The following PTP4A1 variants were observed in gnomAD, a reference collection of about 807,000 sequenced individuals.
PTP4A1 encodes the protein protein tyrosine phosphatase 4A1, also known as protein tyrosine phosphatase type IVA 1.
Under a neutral mutation model 20.5 loss-of-function variants are expected in PTP4A1, and 9 were observed. That is an observed-to-expected ratio of 0.44 (90% CI 0.26 to 0.77). The LOEUF (loss-of-function observed/expected upper bound fraction) is 0.77, where lower values mean the gene tolerates loss of function less well. Among genes scored for constraint, PTP4A1 ranks in the 30% least tolerant of loss-of-function variants. The pLI is 0.19. For synonymous variants in PTP4A1, 78 were observed against 67.4 expected, an observed-to-expected ratio of 1.16 and a Z score of -0.77; for missense variants, 137 against 218.8, an observed-to-expected ratio of 0.63 and a Z score of 2.36.
intron 2 of PTP4A1, among the ~76,000 whole-genome samples, chr6:63,537,286 T>C (rs1581917461): frequency 6.6e-6 from 1 of 152,286 alleles, no homozygotes; most frequent in East Asian, 1.9e-4. Flanking sequence ...CATCAGGCCC[T>C]ATTCCAGACC....
upstream of PTP4A1, among the ~76,000 whole-genome samples, chr6:63,570,555 C>A (rs576413258): frequency 6.6e-6 from 1 of 152,280 alleles, no homozygotes; most frequent in South Asian, 2.1e-4. Flanking sequence ...ATCTGTGGAT[C>A]ACAAGGCTCA....
chr6:63,528,952 G>A (rs1218044933), intron 2 of PTP4A1, among the ~76,000 whole-genome samples: 1 of 151,714 alleles, frequency 6.6e-6, no homozygotes, highest in Non-Finnish European at 1.5e-5. Flanking sequence ...AGCTGGGCGT[G>A]GTGGCACATG....
rs1778339668 is a variant in PTP4A1, at chr6:63,583,037, T to G, written c.*2863T>G. The G allele has an allele frequency of 6.6e-6, 1 of 152,202 alleles. No individual in the cohort carries two copies. The highest frequency in any genetic ancestry group is 2.4e-5 in the African/African-American group (1 of 41,450). The allele number at this position is 152,202 out of a possible 1,614,324, so 9.4% of individuals were successfully genotyped here. A position where few individuals can be genotyped will look rare whatever the true frequency, so the allele number is the denominator to read the frequency against. ...TAAATATCTACTGTTTGCCAGGCAT[T>G]TAAGAATATGGCAAAGAACATAAAA... On this transcript the variant is annotated 3_prime_UTR_variant, in exon 6 of 6. Transcript: ENST00000626021.
chr6:63,530,837 T>C (rs1022930316), intron 2 of PTP4A1, among the ~76,000 whole-genome samples: 11 of 152,174 alleles, frequency 7.2e-5, no homozygotes, highest in African/African-American at 2.7e-4. Context: ...AATAAAGTAG[T>C]ACCTTAAAAC....
rs543645167 is a variant in PTP4A1 at position 63,534,724 on chromosome 6, G to T, written c.-640+6640G>T. On this transcript the variant is annotated intron_variant, in intron 2 of 3. Coordinates refer to the PTP4A1 transcript ENST00000639568. The stretch of plus-strand genomic sequence containing the variant: ...GCACTTTGGGAGGCTGAGGCAGGTG[G>T]ATCACCTGAGGTCAGGAGTTCGAGA... Among the ~76,000 whole-genome samples the T allele has an allele frequency of 3.3e-5, 5 of 149,482 alleles. No individual in the cohort carries two copies. The East Asian group carries it at 9.8e-4, about 29-fold the overall frequency.
At chr6:63,562,563 G>A (rs2149496985) in intron 3 of PTP4A1, among the ~76,000 whole-genome samples, 1 of 152,298 alleles carries the variant, frequency 6.6e-6, no homozygotes, top group African/African-American at 2.4e-5. Flanking sequence ...CACCCACTAT[G>A]AGTTGATTTT....
In PTP4A1 at chr6:63,572,629, G is replaced by A. The variant is rs1172152751; in HGVS notation, c.-536G>A. 7 of 420,514 alleles carry A rather than the reference G, an allele frequency of 1.7e-5. No individual in the cohort carries two copies. Among genetic ancestry groups the A allele is most frequent in the Non-Finnish European group, 4.1e-6 (1 of 244,194 alleles). 26.0% of individuals were successfully genotyped at this position (420,514 alleles called of 1,614,324 possible). On this transcript the variant is annotated 5_prime_UTR_variant, in exon 1 of 6. Coordinates refer to ENST00000626021, the MANE Select transcript of PTP4A1 (RefSeq NM_003463.5). ...TCCGCCACGACCACCGCCGCCTCCT[G>A]CCCTGCAGCCACCGCCACCGCCTGT...
At chr6:63,517,877 A>C (rs553425766), upstream of PTP4A1, among the ~76,000 whole-genome samples, 2 of 152,210 alleles carry the variant, frequency 1.3e-5, no homozygotes, top group African/African-American at 4.8e-5. Flanking sequence ...AGTAGGGCCA[A>C]GCTTGGTGGC....
At chr6:63,536,006 C>G (rs563540717) in intron 2 of PTP4A1, among the ~76,000 whole-genome samples, 4 of 150,480 alleles carry the variant, frequency 2.7e-5, no homozygotes, top group Non-Finnish European at 5.9e-5. Context: ...CTCGTGACAT[C>G]AGGTGATCCA....
rs975949239 is a variant in PTP4A1 at position 63,581,686 on chromosome 6, A to G, written c.*1512A>G. 3.9e-5 allele frequency: 6 copies of G among 152,176 alleles called. No homozygotes were observed. Among genetic ancestry groups the G allele is most frequent in the Admixed American group, 3.9e-4 (6 of 15,276 alleles). The allele number at this position is 152,176 out of a possible 1,614,324, so 9.4% of individuals were successfully genotyped here. A position where few individuals can be genotyped will look rare whatever the true frequency, so the allele number is the denominator to read the frequency against. ...GGTCTAGATAATTTTGAACCAATTT[A>G]TTATTGTGTACTGAGGAGAAATAAT... is the stretch of plus-strand genomic sequence containing the variant. On this transcript the variant is annotated 3_prime_UTR_variant, in exon 6 of 6. Transcript: ENST00000626021.
chr6:63,573,190 C>T (rs1175862797), intron 1 of PTP4A1: 2 of 153,606 alleles, frequency 1.3e-5, no homozygotes, highest in East Asian at 1.9e-4. Context: ...AGTGGCTGCA[C>T]TGGGAGCGGG....
At chr6:63,531,183 T>G (rs1775443327) in intron 2 of PTP4A1, among the ~76,000 whole-genome samples, 1 of 152,146 alleles carries the variant, frequency 6.6e-6, no homozygotes, top group Admixed American at 6.6e-5. Flanking sequence ...CTGCAAGCAA[T>G]GAGGGCTACC....
At chr6:63,553,509 T>C (rs962157280) in intron 3 of PTP4A1, among the ~76,000 whole-genome samples, 1 of 152,190 alleles carries the variant, frequency 6.6e-6, no homozygotes, top group Non-Finnish European at 1.5e-5. Context: ...TGAAAGCCAG[T>C]TTGGTATCCT....
Position 63,556,174 on chromosome 6 carries a change from C to T in PTP4A1, c.-446+5681C>T, listed in dbSNP as rs535058329. ...TTTCTTAATTTTAAAAAATTTTTTA[C>T]TGTGATTTATTTATTTTGAGACAGG... On this transcript the variant is annotated intron_variant, in intron 3 of 3. Coordinates refer to the PTP4A1 transcript ENST00000639568. Among the ~76,000 whole-genome samples the T allele has an allele frequency of 4.6e-5, 7 of 152,168 alleles. No individual in the cohort carries two copies. In the South Asian group the frequency reaches 1.4e-3, roughly 31 times the overall value.
chr6:63,548,934 C>T (rs1051921610), intron 2 of PTP4A1: 32 of 882,616 alleles, frequency 3.6e-5, no homozygotes, highest in South Asian at 1.6e-4. Context: ...GTGGACTAGA[C>T]GTCCCAGTCT....
chr6:63,521,435 T>C (rs1486372049), upstream of PTP4A1, among the ~76,000 whole-genome samples: 1 of 152,202 alleles, frequency 6.6e-6, no homozygotes, highest in Non-Finnish European at 1.5e-5. Flanking sequence ...AAAGAGGCAG[T>C]ATCCTTCCAT....
chr6:63,530,934 C>G (rs1775430166), intron 2 of PTP4A1, among the ~76,000 whole-genome samples: 1 of 152,046 alleles, frequency 6.6e-6, no homozygotes. Context: ...AATGGAAAAT[C>G]CTTTAGAAAA....
chr6:63,576,286 G>C (rs1777861932), intron 1 of PTP4A1, 150 bp from the exon 2 acceptor site: 1 of 381,312 alleles, frequency 2.6e-6, no homozygotes, highest in Non-Finnish European at 4.6e-6. Context: ...CTCACCCCTT[G>C]AGTTTTGCAA....
chr6:63,549,562 T>TC, intron 2 of PTP4A1: 2 of 609,440 alleles, frequency 3.3e-6, no homozygotes, highest in African/African-American at 1.9e-5. Context: ...TGACAAGATT[T>TC]GAAGTTTTTT....
Sources: gnomAD v4.1 joint callset for allele counts (sites outside exome capture counted in the v4.1 genomes callset) on GRCh38, gnomAD v4.1.1 for gene constraint, MANE v1.5 for transcripts, NCBI Gene and HGNC (gene_info 2026-07-23, HGNC 2026-07-21) for gene names.